Variants in CIT observed in about 807,000 individuals in gnomAD.
CIT encodes the protein citron rho-interacting serine/threonine kinase.
A neutral mutation model predicts 272.7 loss-of-function variants in CIT; 79 were observed. The ratio of observed to expected loss-of-function variants is 0.29; its 90% CI spans 0.24 to 0.35. The LOEUF (loss-of-function observed/expected upper bound fraction) is 0.35, where lower values mean the gene tolerates loss of function less well. Ranked by LOEUF, CIT falls within the 10% of genes least tolerant of loss-of-function variation. CIT has a pLI of 1.00. For missense variants in CIT, 1,909 were observed against 2,618.3 expected, an observed-to-expected ratio of 0.73 and a Z score of 5.91; for synonymous variants, 948 against 995.6, an observed-to-expected ratio of 0.95 and a Z score of 0.90.
At chr12:119,714,135 A>G (rs1485409244) in intron 33 of CIT, 62 bp downstream of exon 33, 1 of 1,594,256 alleles carries the variant, frequency 6.3e-7, no homozygotes, top group African/African-American at 1.3e-5. Context: ...CCTCCACCTG[A>G]TAGACTTTTT....
intron 4 of CIT, among the ~76,000 whole-genome samples, chr12:119,850,891 T>A (rs1970181864): frequency 6.6e-6 from 1 of 152,104 alleles, no homozygotes; most frequent in South Asian, 2.1e-4. Context: ...CAGAGCAGAT[T>A]ATCTGGACCC....
At chr12:119,872,872 C>G (rs1334087280) in intron 2 of CIT, among the ~76,000 whole-genome samples, 2 of 152,194 alleles carry the variant, frequency 1.3e-5, no homozygotes, top group African/African-American at 2.4e-5. Context: ...TCTCAACTCA[C>G]TACAACCTCT....
chr12:119,708,488 T>A (rs532420571), intron 39 of CIT, among the ~76,000 whole-genome samples, 170 bp from the exon 40 acceptor site: 134 of 152,252 alleles, frequency 8.8e-4, no homozygotes, highest in African/African-American at 3.1e-3. Flanking sequence ...TATTTATTTT[T>A]TTTTTTTAAA....
chr12:119,797,720 G>T (rs1364676511), intron 10 of CIT, among the ~76,000 whole-genome samples: 1 of 152,156 alleles, frequency 6.6e-6, no homozygotes, highest in African/African-American at 2.4e-5. Flanking sequence ...GATGTAGAAA[G>T]GAAAACACTT....
At chr12:119,806,081 G>A (rs1593817350) in intron 9 of CIT, among the ~76,000 whole-genome samples, 1 of 135,488 alleles carries the variant, frequency 7.4e-6, no homozygotes, top group East Asian at 2.2e-4. Context: ...AGGTTGCAGT[G>A]AGCCAAGATC....
At chr12:119,813,237 G>A (rs1322281361) in intron 9 of CIT, among the ~76,000 whole-genome samples, 2 of 152,100 alleles carry the variant, frequency 1.3e-5, no homozygotes, top group Non-Finnish European at 2.9e-5. Flanking sequence ...TGAAGTGCTG[G>A]AAGGGTGGTC....
Position 119,696,286 on chromosome 12 carries a change from G to A in CIT, c.5882+1373C>T, listed in dbSNP as rs190898244. Among the ~76,000 whole-genome samples, 172 of 151,748 alleles carry A rather than the reference G, an allele frequency of 1.1e-3. 5 individuals carry two copies. The highest frequency in any genetic ancestry group is 0.01 in the Admixed American group (155 of 15,244). On this transcript the variant is annotated intron_variant, in intron 46 of 47. Transcript: ENST00000392521. ...CCTTTTAAGAAGAGGCCTTTTTTTGGAACATGCTTGTTCAATGTGGTTTTG... is the reference window on the plus strand; with the variant it reads ...CCTTTTAAGAAGAGGCCTTTTTTTGAAACATGCTTGTTCAATGTGGTTTTG...
At chr12:119,815,008 A>G (rs1344138591) in intron 9 of CIT, among the ~76,000 whole-genome samples, 3 of 149,616 alleles carry the variant, frequency 2.0e-5, no homozygotes, top group African/African-American at 4.9e-5. Flanking sequence ...ACTGCACTCC[A>G]GCCTGGCTGA....
At chr12:119,862,827 A>G (rs1339214962) in intron 3 of CIT, among the ~76,000 whole-genome samples, 76 of 135,814 alleles carry the variant, frequency 5.6e-4, no homozygotes, top group African/African-American at 2.3e-3. Flanking sequence ...AAAAAAAAAA[A>G]AAAAAAAAAA....
At chr12:119,857,736 G>A (rs763379063) in intron 3 of CIT, 38 bp from the exon 4 acceptor site, 8 of 1,542,912 alleles carry the variant, frequency 5.2e-6, no homozygotes, top group East Asian at 4.6e-5. Context: ...GGTAAATAAA[G>A]CATGCAAATA....
Position 119,700,845 on chromosome 12 carries a change from C to A in CIT, c.5543-20G>T. ...CAAATTCTGCAAGGTGTCAAGAGCA[C>A]GTGGGCATTAGCACAGCCAAGAGCA... On this transcript the variant is annotated intron_variant, in intron 43 of 47. Coordinates refer to ENST00000392521, the MANE Select transcript of CIT (RefSeq NM_001206999.2). 1 of 1,605,366 alleles carries A rather than the reference C, an allele frequency of 6.2e-7. No individual in the cohort carries two copies. The highest frequency in any genetic ancestry group is 8.5e-7 in the Non-Finnish European group (1 of 1,172,346).
intron 10 of CIT, among the ~76,000 whole-genome samples, chr12:119,786,368 T>C (rs1268202723): frequency 1.3e-5 from 2 of 152,194 alleles, no homozygotes; most frequent in Admixed American, 1.3e-4. Flanking sequence ...CACTCATCTA[T>C]GTAACTCATG....
intron 4 of CIT, among the ~76,000 whole-genome samples, chr12:119,856,723 A>G (rs145522061): frequency 3.0e-4 from 45 of 151,658 alleles, no homozygotes; most frequent in African/African-American, 1.1e-3. Context: ...ATCATCGTTA[A>G]TTAATTTGCT....
At position 119,780,857 on chromosome 12, in the gene CIT, C is replaced by G. The variant is rs138314358; in HGVS notation, c.1665+1661G>C. 3.6e-3 allele frequency among the ~76,000 whole-genome samples: 550 copies of G among 152,314 alleles called. 7 individuals are homozygous for G. The highest frequency in any genetic ancestry group is 0.013 in the African/African-American group (529 of 41,562). The stretch of plus-strand genomic sequence containing the variant: ...ACCACGTTTCTTCCCCACAATGGAA[C>G]TTTTAGCAGTCATTAAATCTAAGAC... On this transcript the variant is annotated intron_variant, in intron 13 of 47. Transcript: ENST00000392521.
chr12:119,808,196 C>A (rs1245735812), intron 9 of CIT, among the ~76,000 whole-genome samples: 2 of 151,982 alleles, frequency 1.3e-5, no homozygotes, highest in African/African-American at 4.8e-5. Context: ...AAATTATCAT[C>A]CTCAAAAATA....
chr12:119,828,156 C>T (rs113443050), intron 7 of CIT, among the ~76,000 whole-genome samples: 165 of 152,328 alleles, frequency 1.1e-3, no homozygotes, highest in African/African-American at 3.8e-3. Flanking sequence ...TGATTATACA[C>T]ATTTATGCAC....
At chr12:119,732,761 C>T (rs1172562751) in intron 26 of CIT, among the ~76,000 whole-genome samples, 4 of 152,166 alleles carry the variant, frequency 2.6e-5, no homozygotes, top group Admixed American at 1.3e-4. Context: ...ATTCATTGAT[C>T]GATATTTCTA....
Position 119,802,080 on chromosome 12 carries a change from A to G in CIT, c.1295+1126T>C, listed in dbSNP as rs201024751. Among the ~76,000 whole-genome samples the G allele has an allele frequency of 7.9e-5, 12 of 152,214 alleles. No individual in the cohort carries two copies. The East Asian group carries it at 9.6e-4, about 12-fold the overall frequency. ...GAGACACCATCCAGGAACCAACATA[A>G]CATCCCTATAAATCGATATCTAAGC... On this transcript the variant is annotated intron_variant, in intron 10 of 47. Transcript: ENST00000392521.
At chr12:119,805,087 G>A (rs375813901) in intron 9 of CIT, among the ~76,000 whole-genome samples, 1 of 144,100 alleles carries the variant, frequency 6.9e-6, no homozygotes, top group Non-Finnish European at 1.5e-5. Context: ...AAAAAAAAAA[G>A]TTTTAATGGA....
Sources: gnomAD v4.1 joint callset for allele counts (sites outside exome capture counted in the v4.1 genomes callset) on GRCh38, gnomAD v4.1.1 for gene constraint, MANE v1.5 for transcripts, NCBI Gene and HGNC (gene_info 2026-07-23, HGNC 2026-07-21) for gene names.